PCDH15: variants seen among roughly 807,000 people sequenced by gnomAD.
The protein encoded by PCDH15 is protocadherin-15.
Under a neutral mutation model 178.5 loss-of-function variants are expected in PCDH15, and 129 were observed. The ratio of observed to expected loss-of-function variants is 0.72; its 90% CI spans 0.63 to 0.84. The LOEUF (loss-of-function observed/expected upper bound fraction) is 0.84, where lower values mean the gene tolerates loss of function less well. Among genes scored for constraint, PCDH15 ranks in the 40% least tolerant of loss-of-function variants. The probability of loss-of-function intolerance (pLI) is 0.00; values close to 1 mark genes in which losing one functional copy is unlikely to be tolerated. For missense variants in PCDH15, 2,230 were observed against 2,099.9 expected (o/e 1.06, Z -1.21); for synonymous variants, 800 against 732.0 (o/e 1.09, Z -1.50).
At chr10:55,293,573 G>C (rs1044519777) in intron 1 of PCDH15, among the ~76,000 whole-genome samples, 1 of 152,096 alleles carries the variant, frequency 6.6e-6, no homozygotes, top group African/African-American at 2.4e-5. Flanking sequence ...GTCACATCTT[G>C]AACACTTTGC....
chr10:55,385,906 T>A (rs1005788756), intron 2 of PCDH15, among the ~76,000 whole-genome samples: 2 of 151,434 alleles, frequency 1.3e-5, no homozygotes, highest in Middle Eastern at 7.0e-3. Context: ...TACACATATA[T>A]CTACAAACAC....
At position 54,936,260 on chromosome 10, in the gene PCDH15, C is replaced by T. The variant is rs111752632; in HGVS notation, c.-79-38760G>A. On this transcript the variant is annotated intron_variant, in intron 2 of 5. Transcript: ENST00000458638. ...TAAATTTCATTGTGTGGATATACTA[C>T]ATTATATATGTCCATTCATTAGTTG... Among the ~76,000 whole-genome samples, 18 of 152,136 alleles carry T rather than the reference C, an allele frequency of 1.2e-4. 2 individuals carry two copies. Among genetic ancestry groups the T allele is most frequent in the African/African-American group, 4.3e-4 (18 of 41,534 alleles).
intron 1 of PCDH15, among the ~76,000 whole-genome samples, chr10:55,178,155 T>G (rs117988670): frequency 0.016 from 2,415 of 152,222 alleles, 34 homozygotes; most frequent in Non-Finnish European, 0.021. Context: ...AACAGACTAT[T>G]ATTCTAGGTT....
chr10:54,212,822 A>G (rs2051587631), intron 10 of PCDH15, among the ~76,000 whole-genome samples: 1 of 152,168 alleles, frequency 6.6e-6, no homozygotes, highest in Non-Finnish European at 1.5e-5. Context: ...TGAAAAGAGC[A>G]TGGCTTTAGC....
At chr10:53,830,946 G>T (rs2076979064) in intron 30 of PCDH15, among the ~76,000 whole-genome samples, 1 of 152,182 alleles carries the variant, frequency 6.6e-6, no homozygotes, top group Non-Finnish European at 1.5e-5. Context: ...CTTTGGAGCT[G>T]GGCAGAGTGG....
At chr10:54,672,566 G>T (rs185569006) in intron 1 of PCDH15, among the ~76,000 whole-genome samples, 1 of 152,236 alleles carries the variant, frequency 6.6e-6, no homozygotes, top group East Asian at 1.9e-4. Flanking sequence ...GGGAACTCCA[G>T]GTGACTTCTT....
At chr10:54,781,325 C>T (rs1004033978) in intron 1 of PCDH15, among the ~76,000 whole-genome samples, 2 of 152,020 alleles carry the variant, frequency 1.3e-5, no homozygotes, top group African/African-American at 4.8e-5. Flanking sequence ...AGCCCACCAT[C>T]CCCCGACAGG....
chr10:54,414,695 T>C (rs186193681), intron 3 of PCDH15, among the ~76,000 whole-genome samples: 6 of 152,214 alleles, frequency 3.9e-5, no homozygotes. Context: ...AAATTTATAA[T>C]TTTAGATACA....
At chr10:54,061,972 C>T (rs1262023089) in intron 18 of PCDH15, among the ~76,000 whole-genome samples, 1 of 151,916 alleles carries the variant, frequency 6.6e-6, no homozygotes, top group South Asian at 2.1e-4. Context: ...GGCCTGTAAT[C>T]CCAGCACTTT....
At chr10:54,655,310 G>GAGAC (rs1565866710) in intron 2 of PCDH15, among the ~76,000 whole-genome samples, 1 of 126,598 alleles carries the variant, frequency 7.9e-6, no homozygotes, top group African/African-American at 2.8e-5. Flanking sequence ...GAGACAGAGA[G>GAGAC]AGAGACAGAG....
intron 2 of PCDH15, among the ~76,000 whole-genome samples, chr10:55,431,135 T>C (rs1458107116): frequency 6.6e-6 from 1 of 152,168 alleles, no homozygotes; most frequent in Non-Finnish European, 1.5e-5. Flanking sequence ...TTGAGTAATA[T>C]TTAAATTTCA....
intron 3 of PCDH15, among the ~76,000 whole-genome samples, chr10:54,816,620 G>C (rs1013209470): frequency 6.6e-5 from 10 of 151,882 alleles, no homozygotes; most frequent in Non-Finnish European, 8.8e-5. Flanking sequence ...ATTTTCAGAA[G>C]AATAAACAAA....
intron 3 of PCDH15, among the ~76,000 whole-genome samples, chr10:54,849,174 CCTT>C (rs1238910157): frequency 5.9e-5 from 9 of 152,020 alleles, no homozygotes; most frequent in Non-Finnish European, 1.0e-4. Flanking sequence ...GTAAATTTCA[CCTT>C]CTTCTTTCTT....
intron 1 of PCDH15, among the ~76,000 whole-genome samples, chr10:55,184,464 A>C (rs1190806015): frequency 6.6e-6 from 1 of 152,000 alleles, no homozygotes; most frequent in Non-Finnish European, 1.5e-5. Flanking sequence ...ACTCCCCAAA[A>C]ATGCATTTAT....
intron 3 of PCDH15, among the ~76,000 whole-genome samples, chr10:54,400,926 G>C (rs536637005): frequency 2.0e-5 from 3 of 151,912 alleles, no homozygotes; most frequent in Admixed American, 2.0e-4. Flanking sequence ...TATAGGTATT[G>C]TTCATCTAGT....
At chr10:54,845,799 A>C (rs769344162) in intron 3 of PCDH15, among the ~76,000 whole-genome samples, 5 of 152,104 alleles carry the variant, frequency 3.3e-5, no homozygotes, top group Non-Finnish European at 7.4e-5. Context: ...AAAGATGTTC[A>C]CTGTCTTTAA....
intron 2 of PCDH15, among the ~76,000 whole-genome samples, chr10:54,543,157 G>GC (rs1292970081): frequency 1.3e-5 from 2 of 152,078 alleles, no homozygotes; most frequent in Non-Finnish European, 2.9e-5. Flanking sequence ...CTCCCTTCTG[G>GC]CTCCCCCATT....
At chr10:54,200,758 T>C in intron 10 of PCDH15, among the ~76,000 whole-genome samples, 1 of 152,214 alleles carries the variant, frequency 6.6e-6, no homozygotes, top group African/African-American at 2.4e-5. Flanking sequence ...TTTCTCATTC[T>C]CGTTTGGTGG....
chr10:53,893,406 A>G (rs1488853785), intron 26 of PCDH15, among the ~76,000 whole-genome samples: 7 of 152,388 alleles, frequency 4.6e-5, no homozygotes, highest in South Asian at 4.1e-4. Flanking sequence ...TTCATGCAAC[A>G]TATGTTAAAC....
Sources: allele counts gnomAD v4.1 joint callset (sites outside exome capture counted in the v4.1 genomes callset), GRCh38; gene constraint gnomAD v4.1.1; transcripts MANE v1.5; gene names NCBI Gene and HGNC (gene_info 2026-07-23, HGNC 2026-07-21).